The following ADPRHL1 variants were observed in gnomAD, a reference collection of about 807,000 sequenced individuals.
The protein encoded by ADPRHL1 is ADP-ribosylhydrolase like 1, also known as inactive ADP-ribosyltransferase ARH2.
In ADPRHL1, 43 loss-of-function variants were observed where a neutral mutation model predicts 44.1. The ratio of observed to expected loss-of-function variants is 0.98; its 90% CI spans 0.76 to 1.26. The LOEUF is 1.26. Among genes scored for constraint, ADPRHL1 ranks in the 50% most tolerant of loss-of-function variants. The probability of loss-of-function intolerance (pLI) is 0.00; values close to 1 mark genes in which losing one functional copy is unlikely to be tolerated. For missense variants in ADPRHL1, 2,022 were observed against 2,496.9 expected (o/e 0.81, Z 4.05); for synonymous variants, 878 against 1,017.4 (o/e 0.86, Z 2.61).
intron 2 of ADPRHL1, among the ~76,000 whole-genome samples, chr13:113,434,189 C>T (rs1179828986): frequency 1.3e-5 from 2 of 152,162 alleles, no homozygotes; most frequent in African/African-American, 4.8e-5. Flanking sequence ...GTTATAACTA[C>T]ATACAACAAA....
Position 113,415,269 on chromosome 13 carries a change from C to T in ADPRHL1, c.1062-7049G>A, listed in dbSNP as rs536997012. On this transcript the variant is annotated intron_variant, in intron 7 of 7. Coordinates refer to ENST00000612156, the MANE Select transcript of ADPRHL1 (RefSeq NM_001394807.1). ...TGTCCGGGTGGGGCAGGGTGAGAAA[C>T]GCCTGCCCGCGATGTGGTCCCCAAG... 9.2e-5 allele frequency among the ~76,000 whole-genome samples: 14 copies of T among 152,288 alleles called. 1 individual carries two copies. The highest frequency in any genetic ancestry group is 6.2e-4 in the South Asian group (3 of 4,826).
At position 113,441,082 on chromosome 13, in the gene ADPRHL1, A is replaced by C. The variant is rs1413761116; in HGVS notation, c.379+3343T>G. ...GCAGGAGAATCAGCTGAACCCGGGA[A>C]GTAGAGGTTGCAGTGAGCCAAAATT... On this transcript the variant is annotated intron_variant, in intron 2 of 7. Coordinates refer to ENST00000612156, the MANE Select transcript of ADPRHL1 (RefSeq NM_001394807.1). This position sits in a 1 kb window ranked among gnomAD's most constrained non-coding sequence, Gnocchi z 6.0. 6.6e-6 allele frequency among the ~76,000 whole-genome samples: 1 copy of C among 152,126 alleles called. No individual in the cohort carries two copies. Among genetic ancestry groups the C allele is most frequent in the Non-Finnish European group, 1.5e-5 (1 of 68,022 alleles).
At chr13:113,437,534 C>T (rs1259794972) in intron 2 of ADPRHL1, among the ~76,000 whole-genome samples, 1 of 152,238 alleles carries the variant, frequency 6.6e-6, no homozygotes, top group East Asian at 1.9e-4. Flanking sequence ...GTGTTCCAGG[C>T]CCTGTGTAAA....
intron 7 of ADPRHL1, among the ~76,000 whole-genome samples, chr13:113,419,066 CACT>C (rs1471245925): frequency 1.9e-5 from 2 of 106,426 alleles, no homozygotes; most frequent in East Asian, 3.5e-4. Context: ...CTCCTTCCTT[CACT>C]CCCTCCTTCC....
chr13:113,432,402 G>A (rs1013860980), intron 3 of ADPRHL1, among the ~76,000 whole-genome samples: 2 of 152,184 alleles, frequency 1.3e-5, no homozygotes, highest in Non-Finnish European at 2.9e-5. Flanking sequence ...GGTGTGAGCC[G>A]CTGCACCTGC....
At chr13:113,429,773 C>T (rs990392969) in intron 3 of ADPRHL1, among the ~76,000 whole-genome samples, 1 of 152,214 alleles carries the variant, frequency 6.6e-6, no homozygotes, top group South Asian at 2.1e-4. Flanking sequence ...CTCACTCGCC[C>T]TGCTGGTGCT....
In ADPRHL1 at chr13:113,453,488, G is replaced by T; in HGVS notation, c.-51C>A. Reference sequence around the variant, plus strand: ...ACAGCTGCGGAGCGTCCTGGCCTTTGTCTCCTCCTCAGCCCGCCTGACTTT... The same window carrying T: ...ACAGCTGCGGAGCGTCCTGGCCTTTTTCTCCTCCTCAGCCCGCCTGACTTT... On this transcript the variant is annotated 5_prime_UTR_variant, in exon 1 of 8. Coordinates refer to ENST00000612156, the MANE Select transcript of ADPRHL1 (RefSeq NM_001394807.1). This position sits in a 1 kb window ranked among gnomAD's most constrained non-coding sequence, Gnocchi z 5.4. The T allele has an allele frequency of 6.3e-7, 1 of 1,586,296 alleles. No individual in the cohort carries two copies.
chr13:113,437,953 C>G (rs2044073056), intron 2 of ADPRHL1, among the ~76,000 whole-genome samples: 2 of 152,244 alleles, frequency 1.3e-5, no homozygotes, highest in South Asian at 4.1e-4. Flanking sequence ...GCCTCAGCCT[C>G]CTGAGTAGCT....
intron 2 of ADPRHL1, among the ~76,000 whole-genome samples, chr13:113,438,457 G>A (rs1483657751): frequency 1.3e-5 from 2 of 152,046 alleles, no homozygotes; most frequent in African/African-American, 4.8e-5. Flanking sequence ...ACTTTGGGAG[G>A]CCAAGGCAGG....
rs564926165 is a variant in ADPRHL1, at chr13:113,405,585, AT to A, written c.3696del (p.Ser1233GlnfsTer10). 3.0e-4 allele frequency: 364 copies of A among 1,232,082 alleles called. 2 individuals are homozygous for A. The African/African-American group carries it at 5.3e-3, about 18-fold the overall frequency. 76.3% of individuals were successfully genotyped at this position (1,232,082 alleles called of 1,614,324 possible). ...PEAARLYISNTSAASRHTAAV... is the reference protein window; with the variant it reads ...PEAARLYISNXSAASRHTAAV... Reference sequence around the variant, plus strand: ...GCTGCTGTATGTCTGCTGGCTGCTGATGTGTTTGAAATGTATAATCGGGCCG... The same window carrying A: ...GCTGCTGTATGTCTGCTGGCTGCTGAGTGTTTGAAATGTATAATCGGGCCG... On this transcript the variant is annotated frameshift_variant, in exon 8 of 8. Transcript: ENST00000612156. LOFTEE classifies it low-confidence loss of function (END_TRUNC).
intron 3 of ADPRHL1, 142 bp from the exon 4 acceptor site, chr13:113,429,234 G>A (rs993578642): frequency 3.4e-5 from 38 of 1,118,448 alleles, no homozygotes; most frequent in East Asian, 5.2e-5. Flanking sequence ...ACAGTTCGGC[G>A]GCATTAACCA....
Position 113,405,067 on chromosome 13 carries a change from C to T in ADPRHL1, c.4215G>A (p.Lys1405=). The change falls in exon 8 of 8, where the codon AAG becomes AAA. Residue 1405 remains lysine (K), a synonymous_variant. Transcript: ENST00000612156. The part of the protein sequence containing the change: ...AGKRVAPSGS[K]VVLNPAKEPQ... ...GCTCTTTTGCTGGGTTCAGCACAAC[C>T]TTCGAGCCCGACGGCGCCACCCTCT... 8.1e-7 allele frequency: 1 copy of T among 1,232,292 alleles called. No homozygotes were observed. The highest frequency in any genetic ancestry group is 1.0e-6 in the Non-Finnish European group (1 of 988,362). The allele number at this position is 1,232,292 out of a possible 1,614,324, so 76.3% of individuals were successfully genotyped here.
At position 113,407,817 on chromosome 13, in the gene ADPRHL1, C is replaced by T. The variant is rs888290129; in HGVS notation, c.1465G>A (p.Glu489Lys). 30 of 1,231,962 alleles carry T rather than the reference C, an allele frequency of 2.4e-5. No homozygotes were observed. Among genetic ancestry groups the T allele is most frequent in the Admixed American group, 4.2e-5 (1 of 23,730 alleles). 76.3% of individuals were successfully genotyped at this position (1,231,962 alleles called of 1,614,324 possible). ...KEPAPKPCLS[E>K]KPRWGHPAGK... is the part of the protein sequence containing the mutation. ...GCCGGGTGGCCCCAGCGGGGCTTCT[C>T]GCTGAGGCAGGGCTTTGGGGCCGGC... The change falls in exon 8 of 8, where the codon GAG (glutamate) becomes AAG (lysine). Residue 489 changes from glutamate (E) to lysine (K), a missense_variant. Glu to Lys is a moderately conservative substitution (Grantham distance 56). This residue lies in a region of ADPRHL1 where 1,221 missense variants were observed against 1,517.8 expected (regional missense o/e 0.80). Transcript: ENST00000612156.
At chr13:113,432,765 C>A (rs541211315) in intron 3 of ADPRHL1, among the ~76,000 whole-genome samples, 32 of 152,328 alleles carry the variant, frequency 2.1e-4, no homozygotes, top group South Asian at 1.9e-3. Flanking sequence ...TGTTGGGATG[C>A]CAGTCACAGC....
intron 6 of ADPRHL1, among the ~76,000 whole-genome samples, chr13:113,423,411 C>T (rs1309371736): frequency 2.6e-5 from 4 of 152,188 alleles, no homozygotes; most frequent in Non-Finnish European, 4.4e-5. Context: ...GAGGGGAGCC[C>T]GAGGCCGCAT....
At chr13:113,439,541 G>A (rs2044083704) in intron 2 of ADPRHL1, among the ~76,000 whole-genome samples, 1 of 151,774 alleles carries the variant, frequency 6.6e-6, no homozygotes, top group African/African-American at 2.4e-5. Context: ...TCCACCTCCT[G>A]GGTTCAAGCA....
chr13:113,417,994 G>A (rs2043895278), intron 7 of ADPRHL1, among the ~76,000 whole-genome samples: 1 of 152,232 alleles, frequency 6.6e-6, no homozygotes, highest in African/African-American at 2.4e-5. Flanking sequence ...CAAAACAGGT[G>A]GCATTGGCTT....
intron 1 of ADPRHL1, among the ~76,000 whole-genome samples, chr13:113,450,139 A>G (rs2044169106): frequency 6.6e-6 from 1 of 152,118 alleles, no homozygotes; most frequent in Admixed American, 6.5e-5. Context: ...GCTGATCTAG[A>G]ACTCCTGGGC....
Position 113,409,524 on chromosome 13 carries a change from G to A in ADPRHL1, c.1062-1304C>T, listed in dbSNP as rs941637221. The stretch of plus-strand genomic sequence containing the variant: ...TGGCACGTCCACATTTGTGGGAGAA[G>A]AGTCGGTGGCCGGATGCGGCTGGTG... On this transcript the variant is annotated intron_variant, in intron 7 of 7. Transcript: ENST00000612156. The surrounding 1 kb of genome is among the most constrained non-coding windows in gnomAD (Gnocchi z 4.2). 1.0e-6 allele frequency: 1 copy of A among 985,434 alleles called. No individual in the cohort carries two copies. The highest frequency in any genetic ancestry group is 1.2e-6 in the Non-Finnish European group (1 of 829,922). The allele number at this position is 985,434 out of a possible 1,614,324, so 61.0% of individuals were successfully genotyped here.
Sources: gnomAD v4.1 joint callset for allele counts (sites outside exome capture counted in the v4.1 genomes callset) on GRCh38, gnomAD v4.1.1 for gene constraint, gnomAD v4.1.1 regional missense constraint, Gnocchi (gnomAD v3.1) non-coding constraint, MANE v1.5 for transcripts, NCBI Gene and HGNC (gene_info 2026-07-23, HGNC 2026-07-21) for gene names.